Variants in ADCK1 observed in about 807,000 individuals in gnomAD.
ADCK1 encodes the protein aarF domain containing kinase 1, also known as aarF domain-containing protein kinase 1.
ADCK1 carries 41 observed loss-of-function variants against 52.3 expected under a neutral mutation model. The observed-to-expected ratio is 0.78, with a 90% CI of 0.61 to 1.02. The LOEUF is 1.02. Among genes scored for constraint, ADCK1 ranks in the 50% least tolerant of loss-of-function variants. The probability of loss-of-function intolerance (pLI) is 0.00; values close to 1 mark genes in which losing one functional copy is unlikely to be tolerated. For missense variants in ADCK1, 658 were observed against 679.5 expected (o/e 0.97, Z 0.35); for synonymous variants, 250 against 274.6 (o/e 0.91, Z 0.89).
chr14:77,842,761 G>C (rs944189200), intron 3 of ADCK1, among the ~76,000 whole-genome samples: 24 of 151,942 alleles, frequency 1.6e-4, no homozygotes, highest in Non-Finnish European at 3.2e-4. Context: ...TGTTGGCCAG[G>C]CTTGTCTTGA....
At chr14:77,843,221 G>A (rs543839274) in intron 3 of ADCK1, among the ~76,000 whole-genome samples, 1 of 152,082 alleles carries the variant, frequency 6.6e-6, no homozygotes, top group Non-Finnish European at 1.5e-5. Flanking sequence ...TTTCCCACCA[G>A]CCCCCAAGAG....
At chr14:77,909,365 C>T (rs113355673) in intron 7 of ADCK1, among the ~76,000 whole-genome samples, 6,037 of 152,156 alleles carry the variant, frequency 0.04, 175 homozygotes, top group Non-Finnish European at 0.056. Flanking sequence ...GAACTCCTGA[C>T]CTCGGGTGAT....
intron 7 of ADCK1, among the ~76,000 whole-genome samples, chr14:77,922,731 A>C (rs949980702): frequency 6.6e-5 from 10 of 152,230 alleles, no homozygotes; most frequent in Non-Finnish European, 1.3e-4. Flanking sequence ...GCCATGAGTT[A>C]GTTAAACCTT....
chr14:77,840,955 A>C (rs531682552), intron 3 of ADCK1, among the ~76,000 whole-genome samples: 90 of 151,042 alleles, frequency 6.0e-4, no homozygotes, highest in Admixed American at 4.0e-3. Context: ...AAGGAAGGGG[A>C]AAGAAAGAAG....
intron 1 of ADCK1, among the ~76,000 whole-genome samples, chr14:77,810,856 C>T (rs554992312): frequency 4.1e-4 from 63 of 152,284 alleles, no homozygotes; most frequent in Admixed American, 1.8e-3. Flanking sequence ...CCCACGGTCT[C>T]TTCATACTGC....
intron 3 of ADCK1, among the ~76,000 whole-genome samples, chr14:77,823,615 C>T (rs1026958674): frequency 2.6e-5 from 4 of 151,500 alleles, no homozygotes; most frequent in African/African-American, 4.9e-5. Context: ...TTCCATCACC[C>T]GGTCTGGGGT....
chr14:77,931,485 C>T (rs1409911988), intron 9 of ADCK1, 33 bp from the exon 10 acceptor site: 1 of 1,600,472 alleles, frequency 6.2e-7, no homozygotes, highest in South Asian at 1.1e-5. Context: ...CCCATACCAA[C>T]CATCTGTTTC....
At chr14:77,838,196 G>A (rs185674594) in intron 3 of ADCK1, among the ~76,000 whole-genome samples, 1 of 152,278 alleles carries the variant, frequency 6.6e-6, no homozygotes, top group Admixed American at 6.5e-5. Context: ...GTTACAGCAA[G>A]ACTTTTTAAT....
chr14:77,805,135 G>A (rs1029431601), intron 1 of ADCK1, among the ~76,000 whole-genome samples: 2 of 150,440 alleles, frequency 1.3e-5, no homozygotes, highest in Non-Finnish European at 3.0e-5. Context: ...GAACCCTGGA[G>A]GCGGAGGTTG....
chr14:77,830,309 A>T (rs2081817689), intron 3 of ADCK1, among the ~76,000 whole-genome samples: 1 of 151,068 alleles, frequency 6.6e-6, no homozygotes, highest in Non-Finnish European at 1.5e-5. Context: ...ATGCGCCACC[A>T]CACCCAAGTA....
intron 7 of ADCK1, among the ~76,000 whole-genome samples, chr14:77,910,205 C>T (rs1290369969): frequency 1.3e-5 from 2 of 152,104 alleles, no homozygotes; most frequent in African/African-American, 2.4e-5. Flanking sequence ...TTTGCCAATG[C>T]GTGAGCTGCC....
At chr14:77,836,773 C>CTT (rs56672313) in intron 3 of ADCK1, among the ~76,000 whole-genome samples, 10 of 41,770 alleles carry the variant, frequency 2.4e-4, no homozygotes, top group Non-Finnish European at 3.1e-4. Flanking sequence ...TTCTTTCTTT[C>CTT]TTTTTTTTTT....
chr14:77,887,548 G>A (rs575689558), intron 5 of ADCK1, among the ~76,000 whole-genome samples: 31 of 152,314 alleles, frequency 2.0e-4, no homozygotes, highest in African/African-American at 7.0e-4. Flanking sequence ...AAGGGATGTT[G>A]TAGAAATGAG....
At chr14:77,909,285 G>A (rs986094124) in intron 7 of ADCK1, among the ~76,000 whole-genome samples, 6 of 151,946 alleles carry the variant, frequency 3.9e-5, no homozygotes, top group Non-Finnish European at 5.9e-5. Flanking sequence ...ACAGGCATGC[G>A]CTACCATGCC....
At chr14:77,839,637 T>C (rs1019517378) in intron 3 of ADCK1, among the ~76,000 whole-genome samples, 1 of 151,706 alleles carries the variant, frequency 6.6e-6, no homozygotes, top group Non-Finnish European at 1.5e-5. Flanking sequence ...TGATGGCAGG[T>C]AGAAGTAGGG....
Position 77,926,048 on chromosome 14 carries a change from A to C in ADCK1, c.1206+87A>C, listed in dbSNP as rs547762134. On this transcript the variant is annotated intron_variant, in intron 9 of 10. Coordinates refer to ENST00000238561, the MANE Select transcript of ADCK1 (RefSeq NM_020421.4). ...TGTGGACCCCTTCCAAGTAAGGTCT[A>C]AGAGTCTAGACTGGTGGGCTGTGTG... 626 of 1,495,986 alleles carry C rather than the reference A, an allele frequency of 4.2e-4. 3 individuals carry two copies. Among genetic ancestry groups the C allele is most frequent in the Non-Finnish European group, 9.2e-5 (100 of 1,083,354 alleles). The allele number at this position is 1,495,986 out of a possible 1,614,324, so 92.7% of individuals were successfully genotyped here. A position where few individuals can be genotyped will look rare whatever the true frequency, so the allele number is the denominator to read the frequency against.
At chr14:77,827,603 A>C (rs2081743821) in intron 3 of ADCK1, among the ~76,000 whole-genome samples, 1 of 151,542 alleles carries the variant, frequency 6.6e-6, no homozygotes, top group Admixed American at 6.6e-5. Context: ...TTTGCCACTT[A>C]AACATGCTGG....
intron 7 of ADCK1, among the ~76,000 whole-genome samples, chr14:77,915,298 A>G (rs919476353): frequency 2.0e-5 from 3 of 151,070 alleles, no homozygotes; most frequent in Admixed American, 2.0e-4. Flanking sequence ...TCGTTATTTA[A>G]CATTAGGTAT....
chr14:77,894,331 G>T (rs955015609), intron 5 of ADCK1, among the ~76,000 whole-genome samples: 1 of 152,138 alleles, frequency 6.6e-6, no homozygotes. Context: ...ATCGGTACAG[G>T]CATTCTATTT....
Sources: allele counts gnomAD v4.1 joint callset (sites outside exome capture counted in the v4.1 genomes callset), GRCh38; gene constraint gnomAD v4.1.1; transcripts MANE v1.5; gene names NCBI Gene and HGNC (gene_info 2026-07-23, HGNC 2026-07-21).